The following ITGA2 variants were observed in gnomAD, a reference collection of about 807,000 sequenced individuals.
ITGA2 encodes integrin alpha-2.
ITGA2 carries 101 observed loss-of-function variants against 146.3 expected under a neutral mutation model. The observed-to-expected ratio is 0.69, with a 90% CI of 0.59 to 0.81. The LOEUF (loss-of-function observed/expected upper bound fraction) is 0.81. Among genes scored for constraint, ITGA2 ranks in the 40% least tolerant of loss-of-function variants. ITGA2 has a pLI of 0.00. For synonymous variants in ITGA2, 477 were observed against 487.1 expected (o/e 0.98, Z 0.27); for missense variants, 1,281 against 1,402.7 (o/e 0.91, Z 1.39).
At chr5:53,042,038 CTGTT>C (rs1327519490) in intron 2 of ITGA2, 70 bp from the exon 3 acceptor site, 1 of 906,108 alleles carries the variant, frequency 1.1e-6, no homozygotes, top group Admixed American at 1.7e-5. Context: ...GTGTTTTTCA[CTGTT>C]TGTGATCAGG....
intron 1 of ITGA2, among the ~76,000 whole-genome samples, chr5:53,007,512 AG>A (rs1264192530): frequency 2.6e-5 from 4 of 151,782 alleles, no homozygotes; most frequent in Non-Finnish European, 4.4e-5. Flanking sequence ...GGGGAGAGAG[AG>A]AGAAAAAAAA....
At chr5:53,065,244 T>A in intron 14 of ITGA2, 129 bp downstream of exon 14, 1 of 931,904 alleles carries the variant, frequency 1.1e-6, no homozygotes, top group South Asian at 1.4e-5. Context: ...TCAGCAAATA[T>A]AAAGTGAGCC....
rs1049940672 is a variant in ITGA2, at chr5:53,065,074, T to C, written c.1765T>C (p.Tyr589His). ...TCAGAATTCTGGAGCTGTATACATT[T>C]ACAATGGTCATCAGGGCACTATCCG... The part of the protein sequence containing the change: ...ENQNSGAVYI[Y>H]NGHQGTIRTK... The change falls in exon 14 of 30, where the codon TAC becomes CAC. Residue 589 changes from tyrosine (Y) to histidine (H), a missense_variant. Transcript: ENST00000296585. 1.2e-6 allele frequency: 2 copies of C among 1,612,644 alleles called. No individual in the cohort carries two copies. Among genetic ancestry groups the C allele is most frequent in the Non-Finnish European group, 1.7e-6 (2 of 1,179,144 alleles).
intron 24 of ITGA2, 76 bp from the exon 25 acceptor site, chr5:53,080,435 A>G (rs920180756): frequency 6.9e-6 from 8 of 1,155,588 alleles, no homozygotes; most frequent in Non-Finnish European, 9.2e-6. Context: ...CCCTTCATCA[A>G]CACGGGGTTA....
rs527684521 is a variant in ITGA2 at position 53,033,832 on chromosome 5, C to T, written c.185+6964C>T. Among the ~76,000 whole-genome samples the T allele has an allele frequency of 1.6e-3, 246 of 150,654 alleles. 2 individuals are homozygous for T. Among genetic ancestry groups the T allele is most frequent in the African/African-American group, 5.6e-3 (230 of 40,974 alleles). ...AGGATGGAGTGCAGTAGGGCAATCTCGGCTCACTGCAAGCTCCGCCTCCTG... is the reference window on the plus strand; with the variant it reads ...AGGATGGAGTGCAGTAGGGCAATCTTGGCTCACTGCAAGCTCCGCCTCCTG... On this transcript the variant is annotated intron_variant, in intron 2 of 29. Transcript: ENST00000296585.
Position 53,060,883 on chromosome 5 carries a change from T to C in ITGA2, c.1313-18T>C. On this transcript the variant is annotated intron_variant, in intron 11 of 29. Coordinates refer to ENST00000296585, the MANE Select transcript of ITGA2 (RefSeq NM_002203.4). Reference sequence around the variant, plus strand: ...CAGATAGTCAATGTTAATCACTCTGTTGCTCCTTCCCTTTTAGGTTACTCT... The same window carrying C: ...CAGATAGTCAATGTTAATCACTCTGCTGCTCCTTCCCTTTTAGGTTACTCT... The C allele has an allele frequency of 6.2e-7, 1 of 1,611,064 alleles. No homozygotes were observed. Among genetic ancestry groups the C allele is most frequent in the Non-Finnish European group, 8.5e-7 (1 of 1,177,734 alleles).
At chr5:53,027,680 GGAGGC>G in intron 2 of ITGA2, among the ~76,000 whole-genome samples, 1 of 152,196 alleles carries the variant, frequency 6.6e-6, no homozygotes, top group Non-Finnish European at 1.5e-5. Context: ...TGTTGCAGCA[GGAGGC>G]TCCAACCATC....
In ITGA2 at chr5:53,089,959, T is replaced by C; in HGVS notation, c.3362T>C (p.Ile1121Thr). The change falls in exon 29 of 30, where the codon ATA becomes ACA. Residue 1121 changes from isoleucine to threonine, a missense_variant. By Grantham distance (89) the Ile-to-Thr change is moderately conservative. Around this residue, in one of 3 missense-constraint regions of ITGA2, gnomAD observed 475 missense variants for 530.5 expected, o/e 0.90. Coordinates refer to ENST00000296585, the MANE Select transcript of ITGA2 (RefSeq NM_002203.4). ...TGACATTTCCAGATTCCCCTGATGA[T>C]AATGAAACCTGATGAGAAAGCCGAA... ...EDNTVTIPLM[I>T]MKPDEKAEVP... The C allele has an allele frequency of 6.2e-7, 1 of 1,602,698 alleles. No homozygotes were observed. Among genetic ancestry groups the C allele is most frequent in the Non-Finnish European group, 8.5e-7 (1 of 1,169,590 alleles).
At chr5:52,990,375 G>A (rs1476471297) in intron 1 of ITGA2, 1 of 152,310 alleles carries the variant, frequency 6.6e-6, no homozygotes, top group Non-Finnish European at 1.5e-5. Flanking sequence ...AGGAAATAAG[G>A]CTGGGGTGGA....
Position 53,091,077 on chromosome 5 carries a change from GA to G in ITGA2, c.*479del. On this transcript the variant is annotated 3_prime_UTR_variant, in exon 30 of 30. Coordinates refer to ENST00000296585, the MANE Select transcript of ITGA2 (RefSeq NM_002203.4). Reference sequence around the variant, plus strand: ...TTTTAATGAATATTGATGTTAACAAGAGGGGAAAACAAAACACAGGTTTTTT... The same window carrying G: ...TTTTAATGAATATTGATGTTAACAAGGGGGAAAACAAAACACAGGTTTTTT... 1 of 242,160 alleles carries G rather than the reference GA, an allele frequency of 4.1e-6. No individual in the cohort carries two copies. The highest frequency in any genetic ancestry group is 7.9e-6 in the Non-Finnish European group (1 of 126,166). 15.0% of individuals were successfully genotyped at this position (242,160 alleles called of 1,614,324 possible).
intron 7 of ITGA2, 130 bp downstream of exon 7, chr5:53,051,689 TAAAG>T (rs1202026305): frequency 4.2e-6 from 4 of 950,676 alleles, no homozygotes; most frequent in African/African-American, 3.3e-5. Flanking sequence ...TCAGAACTAA[TAAAG>T]AAAAAAACAT....
chr5:53,081,159 A>C (rs1413717770), intron 25 of ITGA2, among the ~76,000 whole-genome samples: 1 of 152,126 alleles, frequency 6.6e-6, no homozygotes, highest in Non-Finnish European at 1.5e-5. Context: ...TGGTTCTAAC[A>C]CGCAACCTGG....
At chr5:53,064,802 C>T (rs888709209) in intron 13 of ITGA2, 110 bp from the exon 14 acceptor site, 1 of 1,005,074 alleles carries the variant, frequency 9.9e-7, no homozygotes. Context: ...GCCTCAGCCT[C>T]TGGAGTCTTT....
intron 1 of ITGA2, among the ~76,000 whole-genome samples, chr5:53,002,625 G>C (rs2111702536): frequency 6.6e-6 from 1 of 152,146 alleles, no homozygotes; most frequent in Middle Eastern, 3.4e-3. Flanking sequence ...GTTTCCTGTG[G>C]GATATTTTGC....
intron 2 of ITGA2, among the ~76,000 whole-genome samples, chr5:53,040,501 G>T (rs1452113369): frequency 6.6e-6 from 1 of 152,080 alleles, no homozygotes; most frequent in Admixed American, 6.6e-5. Flanking sequence ...CATTAAAGTG[G>T]CTATTGGGAC....
chr5:53,051,019 T>G (rs953658656), intron 6 of ITGA2, among the ~76,000 whole-genome samples: 5 of 152,220 alleles, frequency 3.3e-5, no homozygotes, highest in African/African-American at 4.8e-5. Flanking sequence ...TGATTGCTTA[T>G]AGTTGTTCGC....
intron 17 of ITGA2, among the ~76,000 whole-genome samples, chr5:53,071,713 AGTCTCTTTTG>A (rs1745406058): frequency 6.6e-6 from 1 of 151,972 alleles, no homozygotes; most frequent in Non-Finnish European, 1.5e-5. Context: ...ACTAGACCCA[AGTCTCTTTTG>A]GTTTCTTAGT....
chr5:53,064,641 C>T (rs1745063035), intron 13 of ITGA2, among the ~76,000 whole-genome samples: 1 of 151,954 alleles, frequency 6.6e-6, no homozygotes, highest in Non-Finnish European at 1.5e-5. Flanking sequence ...TTCCTAGGCT[C>T]AAGCAATCCT....
At chr5:53,087,077 G>T in intron 28 of ITGA2, 36 bp downstream of exon 28, 1 of 1,429,196 alleles carries the variant, frequency 7.0e-7, no homozygotes, top group South Asian at 1.1e-5. Context: ...GAGCCTCAGG[G>T]TCTGTGATGG....
Sources: gnomAD v4.1 joint callset for allele counts (sites outside exome capture counted in the v4.1 genomes callset) on GRCh38, gnomAD v4.1.1 for gene constraint, gnomAD v4.1.1 regional missense constraint, MANE v1.5 for transcripts, NCBI Gene and HGNC (gene_info 2026-07-23, HGNC 2026-07-21) for gene names.